The following B3GAT2 variants were observed in gnomAD, a reference collection of about 807,000 sequenced individuals.
The protein encoded by B3GAT2 is galactosylgalactosylxylosylprotein 3-beta-glucuronosyltransferase 2.
Under a neutral mutation model 27.8 loss-of-function variants are expected in B3GAT2, and 26 were observed. The observed-to-expected ratio is 0.93, with a 90% CI of 0.68 to 1.30. The LOEUF (loss-of-function observed/expected upper bound fraction) is 1.30. Ranked by LOEUF, B3GAT2 falls within the 50% of genes most tolerant of loss-of-function variation. The pLI, the probability that B3GAT2 is intolerant of heterozygous loss-of-function variation, is 0.00. For synonymous variants in B3GAT2, 218 were observed against 195.1 expected (o/e 1.12, Z -0.98); for missense variants, 458 against 459.0 (o/e 1.00, Z 0.02).
chr6:70,939,231 A>G (rs1385875615), intron 1 of B3GAT2, among the ~76,000 whole-genome samples: 7 of 129,292 alleles, frequency 5.4e-5, no homozygotes, highest in African/African-American at 2.1e-4. Flanking sequence ...GGTGATCATT[A>G]AAAAGTCAGG....
At chr6:70,955,690 A>T in intron 1 of B3GAT2, 149 bp downstream of exon 1, 1 of 943,686 alleles carries the variant, frequency 1.1e-6, no homozygotes, top group Non-Finnish European at 1.5e-6. Flanking sequence ...GCCAGCAAGG[A>T]GCGGCTCCAC....
In B3GAT2 at chr6:70,930,078, A is replaced by C. The variant is rs1325388266; in HGVS notation, c.591+25761T>G. On this transcript the variant is annotated intron_variant, in intron 1 of 3. Coordinates refer to ENST00000230053, the MANE Select transcript of B3GAT2 (RefSeq NM_080742.3). ...CTGATCTTTGACAAACCTGACAAAA[A>C]CAAGAAATGGGGAAAAGATTCCCTA... Among the ~76,000 whole-genome samples the C allele has an allele frequency of 2.6e-5, 4 of 152,230 alleles. No homozygotes were observed. In the East Asian group the frequency reaches 7.7e-4, roughly 29 times the overall value.
rs944942104 is a variant in B3GAT2, at chr6:70,858,010, T to C, written c.*3653A>G. 3 of 1,614,042 alleles carry C rather than the reference T, an allele frequency of 1.9e-6. No homozygotes were observed. The highest frequency in any genetic ancestry group is 1.7e-5 in the Admixed American group (1 of 60,008). Reference sequence around the variant, plus strand: ...TTCCATCGATGGGCGTGCCTGTGCCTGCAGCTCCTGGCCTTATAGGAAATG... The same window carrying C: ...TTCCATCGATGGGCGTGCCTGTGCCCGCAGCTCCTGGCCTTATAGGAAATG... On this transcript the variant is annotated 3_prime_UTR_variant, in exon 4 of 4. Transcript: ENST00000230053.
intron 1 of B3GAT2, among the ~76,000 whole-genome samples, chr6:70,910,402 C>T (rs1772671029): frequency 6.6e-6 from 1 of 152,164 alleles, no homozygotes. Context: ...TTAGCTTCCA[C>T]TTATAAGTTA....
intron 1 of B3GAT2, among the ~76,000 whole-genome samples, chr6:70,914,467 C>CT (rs1562227382): frequency 1.3e-5 from 2 of 152,086 alleles, no homozygotes; most frequent in Admixed American, 6.6e-5. Context: ...TGAACTCATC[C>CT]TTTTTTATGG....
chr6:70,876,265 G>A (rs1772012153), intron 2 of B3GAT2, among the ~76,000 whole-genome samples: 1 of 152,202 alleles, frequency 6.6e-6, no homozygotes, highest in Non-Finnish European at 1.5e-5. Context: ...TTTTTAAATG[G>A]TAGCTCTTCA....
At chr6:70,946,073 C>A (rs1211424326) in intron 1 of B3GAT2, among the ~76,000 whole-genome samples, 3 of 151,982 alleles carry the variant, frequency 2.0e-5, no homozygotes, top group Non-Finnish European at 2.9e-5. Context: ...CTGAAGGAAG[C>A]ACTAAACATG....
chr6:70,884,863 G>A (rs983868071), intron 2 of B3GAT2, among the ~76,000 whole-genome samples: 1 of 152,232 alleles, frequency 6.6e-6, no homozygotes, highest in Non-Finnish European at 1.5e-5. Context: ...CTGATGTGCA[G>A]AGTGTTTGGG....
Position 70,955,824 on chromosome 6 carries a change from C to T in B3GAT2, c.591+15G>A. 1 of 1,578,848 alleles carries T rather than the reference C, an allele frequency of 6.3e-7. No homozygotes were observed. The highest frequency in any genetic ancestry group is 8.6e-7 in the Non-Finnish European group (1 of 1,164,082). On this transcript the variant is annotated intron_variant, in intron 1 of 3. Transcript: ENST00000230053. ...TCCCGCCCTCGCCCACCCAGCGGGG[C>T]AGGCTGGCCTTTACCTCCTGGAAGA... is the stretch of plus-strand genomic sequence containing the variant.
Position 70,862,091 on chromosome 6 carries a change from A to C in B3GAT2, c.737-113T>G, listed in dbSNP as rs569558834. 1.1e-5 allele frequency: 11 copies of C among 985,778 alleles called. No individual in the cohort carries two copies. The African/African-American group carries it at 1.6e-4, about 15-fold the overall frequency. 61.1% of individuals were successfully genotyped at this position (985,778 alleles called of 1,614,324 possible). On this transcript the variant is annotated intron_variant, in intron 2 of 3. Coordinates refer to ENST00000230053, the MANE Select transcript of B3GAT2 (RefSeq NM_080742.3). Reference sequence around the variant, plus strand: ...GTTTTTAAAATACCTACTGTGTGTCAGGTCTTGGTTTACAAAGTTGAATAG... The same window carrying C: ...GTTTTTAAAATACCTACTGTGTGTCCGGTCTTGGTTTACAAAGTTGAATAG...
At chr6:70,950,939 G>A (rs1765570009) in intron 1 of B3GAT2, among the ~76,000 whole-genome samples, 1 of 152,140 alleles carries the variant, frequency 6.6e-6, no homozygotes, top group Non-Finnish European at 1.5e-5. Flanking sequence ...TACCAGGCAT[G>A]AACAACAAAT....
At chr6:70,868,354 GGAA>G (rs1771884525) in intron 2 of B3GAT2, among the ~76,000 whole-genome samples, 1 of 152,082 alleles carries the variant, frequency 6.6e-6, no homozygotes. Context: ...ATATTGGAAA[GGAA>G]GAAGTACAGC....
chr6:70,858,029 G>A lies in B3GAT2; in HGVS notation c.*3634C>T. ...TGTGCCTGCAGCTCCTGGCCTTATA[G>A]GAAATGTGATGGGACAGAGTCCAAG... On this transcript the variant is annotated 3_prime_UTR_variant, in exon 4 of 4. Transcript: ENST00000230053. 1 of 1,614,098 alleles carries A rather than the reference G, an allele frequency of 6.2e-7. No homozygotes were observed.
chr6:70,917,574 C>T (rs1170268170), intron 1 of B3GAT2, among the ~76,000 whole-genome samples: 1 of 152,164 alleles, frequency 6.6e-6, no homozygotes, highest in Non-Finnish European at 1.5e-5. Context: ...TTAAATGTTT[C>T]TCAGAGATTC....
intron 1 of B3GAT2, among the ~76,000 whole-genome samples, chr6:70,947,328 C>G (rs1765504768): frequency 6.6e-6 from 1 of 151,852 alleles, no homozygotes; most frequent in South Asian, 2.1e-4. Context: ...AATTGATAGA[C>G]CACTAGCAAG....
At position 70,877,097 on chromosome 6, in the gene B3GAT2, T is replaced by C. The variant is rs148591465; in HGVS notation, c.737-15119A>G. Among the ~76,000 whole-genome samples, 69 of 152,248 alleles carry C rather than the reference T, an allele frequency of 4.5e-4. 2 individuals carry two copies. The East Asian group carries it at 0.012, about 27-fold the overall frequency. The stretch of plus-strand genomic sequence containing the variant: ...AGGCAACCTTGGCTCCAGATTGTAA[T>C]CAAAAGTCAATTTTAGGAAAATTTC... On this transcript the variant is annotated intron_variant, in intron 2 of 3. Transcript: ENST00000230053.
At chr6:70,914,743 T>C (rs553859654) in intron 1 of B3GAT2, among the ~76,000 whole-genome samples, 1 of 136,550 alleles carries the variant, frequency 7.3e-6, no homozygotes, top group African/African-American at 2.8e-5. Flanking sequence ...CTAATCCAAA[T>C]CCATAAAATT....
At chr6:70,910,531 T>A (rs1460591182) in intron 1 of B3GAT2, among the ~76,000 whole-genome samples, 1 of 152,234 alleles carries the variant, frequency 6.6e-6, no homozygotes, top group Non-Finnish European at 1.5e-5. Context: ...TTACGTAGTA[T>A]TACATGGTGT....
rs190020209 is a variant in B3GAT2 at position 70,930,222 on chromosome 6, C to T, written c.591+25617G>A. Among the ~76,000 whole-genome samples, 4 of 152,262 alleles carry T rather than the reference C, an allele frequency of 2.6e-5. No individual in the cohort carries two copies. The East Asian group carries it at 7.7e-4, about 29-fold the overall frequency. ...TGGATTAAAGACTTAAATGTAAGAC[C>T]TAAAACCATAAGAACCCTAGAAGAA... is the stretch of plus-strand genomic sequence containing the variant. On this transcript the variant is annotated intron_variant, in intron 1 of 3. Coordinates refer to ENST00000230053, the MANE Select transcript of B3GAT2 (RefSeq NM_080742.3).
Sources: gnomAD v4.1 joint callset for allele counts (sites outside exome capture counted in the v4.1 genomes callset) on GRCh38, gnomAD v4.1.1 for gene constraint, MANE v1.5 for transcripts, NCBI Gene and HGNC (gene_info 2026-07-23, HGNC 2026-07-21) for gene names.